DNAH17: variants seen among roughly 807,000 people sequenced by gnomAD.
DNAH17 encodes the protein axonemal beta dynein heavy chain 17.
In DNAH17, 376 loss-of-function variants were observed where a neutral mutation model predicts 485.6. That is an observed-to-expected ratio of 0.77 (90% confidence interval 0.71 to 0.84). The LOEUF is 0.84. Ranked by LOEUF, DNAH17 falls within the 40% of genes least tolerant of loss-of-function variation. DNAH17 has a pLI of 0.00. For synonymous variants in DNAH17, 3,031 were observed against 2,405.9 expected (o/e 1.26, Z -7.60); for missense variants, 6,370 against 5,839.3 (o/e 1.09, Z -2.96).
At position 78,539,796 on chromosome 17, in the gene DNAH17, C is replaced by T; in HGVS notation, c.2617G>A (p.Glu873Lys). ...GATTTGCGAATGAACTGGTCAAATT[C>T]ATCTAAGACCATGTCGTCAATGTAG... ...VIYIDDMVLD[E>K]FDQFIRKSLS... The change falls in exon 18 of 81, where the codon GAA (glutamate) becomes AAA (lysine). Residue 873 changes from glutamate to lysine, a missense_variant. Coordinates refer to ENST00000389840, the MANE Select transcript of DNAH17 (RefSeq NM_173628.4). 6.2e-7 allele frequency: 1 copy of T among 1,612,004 alleles called. No individual in the cohort carries two copies. Among genetic ancestry groups the T allele is most frequent in the South Asian group, 1.1e-5 (1 of 90,898 alleles).
At chr17:78,505,039 C>T (rs1288319847) in intron 31 of DNAH17, among the ~76,000 whole-genome samples, 1 of 151,154 alleles carries the variant, frequency 6.6e-6, no homozygotes, top group Non-Finnish European at 1.5e-5. Flanking sequence ...CCGAACAGGG[C>T]TTTTCTCCCG....
chr17:78,432,608 C>G (rs2146430449), intron 75 of DNAH17, among the ~76,000 whole-genome samples: 1 of 152,360 alleles, frequency 6.6e-6, no homozygotes, highest in East Asian at 1.9e-4. Context: ...GAGGCTCTGT[C>G]ACAGCCTCCC....
rs144976749 is a variant in DNAH17 at position 78,494,491 on chromosome 17, C to T, written c.6270+102G>A. 3,851 of 1,305,008 alleles carry T rather than the reference C, an allele frequency of 3.0e-3. 10 individuals are homozygous for T. Among genetic ancestry groups the T allele is most frequent in the Non-Finnish European group, 3.7e-3 (3,419 of 928,656 alleles). The allele number at this position is 1,305,008 out of a possible 1,614,324, so 80.8% of individuals were successfully genotyped here. A position where few individuals can be genotyped will look rare whatever the true frequency, so the allele number is the denominator to read the frequency against. ...GAGGTCTCTTTGTAGCATCGGGAAA[C>T]GTGCGTGTGTGACACGGGTCTCCAC... On this transcript the variant is annotated intron_variant, in intron 40 of 80. Transcript: ENST00000389840.
intron 30 of DNAH17, 54 bp downstream of exon 30, chr17:78,506,666 T>G (rs1472151215): frequency 1.2e-6 from 2 of 1,611,368 alleles, no homozygotes; most frequent in Admixed American, 3.3e-5. Context: ...GGTGCCCACC[T>G]GGGGTCTGGC....
intron 75 of DNAH17, among the ~76,000 whole-genome samples, chr17:78,432,911 C>A (rs1487808244): frequency 1.7e-5 from 2 of 119,492 alleles, no homozygotes. Flanking sequence ...TGCCCCCCCC[C>A]CCCGACCCCG....
chr17:78,522,572 A>G (rs867916351), intron 25 of DNAH17: 5 of 286,720 alleles, frequency 1.7e-5, no homozygotes, highest in Middle Eastern at 2.3e-3. Flanking sequence ...CTGAAGCCCA[A>G]CGCAGGCAGC....
Position 78,552,692 on chromosome 17 carries a change from C to A in DNAH17, c.2287+5G>T, listed in dbSNP as rs759427139. The A allele has an allele frequency of 6.2e-7, 1 of 1,610,730 alleles. No individual in the cohort carries two copies. On this transcript the variant is annotated splice_donor_5th_base_variant and intron_variant, in intron 15 of 80. Transcript: ENST00000389840. ...TCCAATGTGGGAGGAATGTGGCCTC[C>A]GTACCTTCGCCATTCCAGAATAATG...
chr17:78,553,181 T>C (rs1598714590), intron 14 of DNAH17, among the ~76,000 whole-genome samples: 1 of 148,490 alleles, frequency 6.7e-6, no homozygotes, highest in South Asian at 2.1e-4. Context: ...TTTCCTGAGG[T>C]CCCCCCAGAA....
chr17:78,543,660 G>A (rs1025911420), intron 17 of DNAH17, 197 bp downstream of exon 17: 9 of 749,534 alleles, frequency 1.2e-5, no homozygotes, highest in African/African-American at 8.7e-5. Context: ...CCTGACATTA[G>A]GTGATCCGCC....
intron 31 of DNAH17, 122 bp from the exon 32 acceptor site, chr17:78,503,133 G>T: frequency 9.1e-7 from 1 of 1,100,830 alleles, no homozygotes; most frequent in Non-Finnish European, 1.2e-6. Context: ...GGGGCAGACA[G>T]GTCAAGGATT....
At chr17:78,543,771 T>C (rs754126244) in intron 17 of DNAH17, 86 bp downstream of exon 17, 3 of 1,590,226 alleles carry the variant, frequency 1.9e-6, no homozygotes, top group Non-Finnish European at 8.6e-7. Context: ...CTAATCATTT[T>C]TATGAAATCT....
intron 51 of DNAH17, 29 bp from the exon 52 acceptor site, chr17:78,476,762 G>A (rs377481901): frequency 1.3e-5 from 21 of 1,603,870 alleles, no homozygotes; most frequent in Admixed American, 3.4e-5. Context: ...GATCAGCACC[G>A]TCAGCTGTTA....
At chr17:78,426,372 G>A (rs1218869518) in intron 79 of DNAH17, 85 bp downstream of exon 79, 1 of 1,426,244 alleles carries the variant, frequency 7.0e-7, no homozygotes, top group South Asian at 1.6e-5. Flanking sequence ...CCATGCTCCT[G>A]CAGGCTCTAG....
chr17:78,524,271 G>A (rs1035251130), intron 25 of DNAH17, among the ~76,000 whole-genome samples: 2 of 152,154 alleles, frequency 1.3e-5, no homozygotes, highest in African/African-American at 4.8e-5. Flanking sequence ...CCGAGTAGCT[G>A]GGATTACAGG....
chr17:78,519,641 GAACTAGTATA>G (rs1427209210), intron 25 of DNAH17, among the ~76,000 whole-genome samples: 1 of 152,166 alleles, frequency 6.6e-6, no homozygotes, highest in Non-Finnish European at 1.5e-5. Context: ...GGATAGTATG[GAACTAGTATA>G]AACAACTTTA....
At chr17:78,489,130 C>T (rs1467305653) in intron 44 of DNAH17, among the ~76,000 whole-genome samples, 4 of 152,294 alleles carry the variant, frequency 2.6e-5, no homozygotes, top group South Asian at 4.1e-4. Context: ...CTGGCCCTGT[C>T]CCCATAGGGA....
chr17:78,526,215 T>G (rs1173131380), intron 24 of DNAH17, among the ~76,000 whole-genome samples: 2 of 152,108 alleles, frequency 1.3e-5, no homozygotes, highest in Non-Finnish European at 2.9e-5. Flanking sequence ...GAGTGAAGCC[T>G]GGCTGCTGCC....
rs1427231756 is a variant in DNAH17 at position 78,466,716 on chromosome 17, C to CA, written c.8878dup (p.Trp2960LeufsTer18). On this transcript the variant is annotated frameshift_variant, in exon 56 of 81. Coordinates refer to ENST00000389840, the MANE Select transcript of DNAH17 (RefSeq NM_173628.4). LOFTEE classifies it high-confidence loss of function. Reference sequence around the variant, plus strand: ...GACGGACACCAGCGCATCTTCCGGCCACTCGTGGAACCAGTCGATGGCCGT... The same window carrying CA: ...GACGGACACCAGCGCATCTTCCGGCCAACTCGTGGAACCAGTCGATGGCCGT... 3 of 1,612,580 alleles carry CA rather than the reference C, an allele frequency of 1.9e-6. No homozygotes were observed. The highest frequency in any genetic ancestry group is 2.5e-6 in the Non-Finnish European group (3 of 1,179,520).
intron 44 of DNAH17, among the ~76,000 whole-genome samples, chr17:78,488,330 T>G (rs572359008): frequency 6.6e-6 from 1 of 152,318 alleles, no homozygotes; most frequent in South Asian, 2.1e-4. Context: ...GGGCTGCTCC[T>G]GCTGTCTGGG....
Sources: gnomAD v4.1 joint callset for allele counts (sites outside exome capture counted in the v4.1 genomes callset) on GRCh38, gnomAD v4.1.1 for gene constraint, MANE v1.5 for transcripts, NCBI Gene and HGNC (gene_info 2026-07-23, HGNC 2026-07-21) for gene names.